Variants in MLPH observed in about 807,000 individuals in gnomAD.
MLPH encodes exophilin-3.
Under a neutral mutation model 72.1 loss-of-function variants are expected in MLPH, and 51 were observed. The observed-to-expected ratio is 0.71, with a 90% CI of 0.56 to 0.89. MLPH has a LOEUF of 0.89. MLPH is among the 40% of genes least tolerant of loss of function. MLPH has a pLI of 0.00. For synonymous variants in MLPH, 301 were observed against 310.1 expected, an observed-to-expected ratio of 0.97 and a Z score of 0.31; for missense variants, 743 against 759.9, an observed-to-expected ratio of 0.98 and a Z score of 0.26.
chr2:237,532,457 G>A (rs564369043), intron 8 of MLPH, among the ~76,000 whole-genome samples: 3 of 152,212 alleles, frequency 2.0e-5, no homozygotes, highest in Non-Finnish European at 2.9e-5. Flanking sequence ...GCCCTGGCAC[G>A]CACCCTCCGC....
intron 12 of MLPH, among the ~76,000 whole-genome samples, chr2:237,545,947 G>C (rs2080909673): frequency 6.6e-6 from 1 of 152,170 alleles, no homozygotes. Context: ...CCAAAGTTAA[G>C]GACACACCCA....
At position 237,522,157 on chromosome 2, in the gene MLPH, A is replaced by G. The variant is rs201269264; in HGVS notation, c.675+2128A>G. 7.0e-3 allele frequency among the ~76,000 whole-genome samples: 443 copies of G among 63,204 alleles called. 9 individuals are homozygous for G. In the East Asian group the frequency reaches 0.081, roughly 12 times the overall value. The allele number at this position is 63,204 out of a possible 152,430, so 41.5% of individuals were successfully genotyped here. A position where few individuals can be genotyped will look rare whatever the true frequency, so the allele number is the denominator to read the frequency against. ...GGTTGGGCCTTCAAACACCTGCTAC[A>G]ACTATAGTGCTGGAGCGGAGCAGGG... On this transcript the variant is annotated intron_variant, in intron 6 of 15. Coordinates refer to ENST00000264605, the MANE Select transcript of MLPH (RefSeq NM_024101.7).
chr2:237,553,776 C>T lies in MLPH; in HGVS notation c.*184C>T. 1 of 846,986 alleles carries T rather than the reference C, an allele frequency of 1.2e-6. No homozygotes were observed. The highest frequency in any genetic ancestry group is 1.4e-5 in the South Asian group (1 of 73,762). 52.5% of individuals were successfully genotyped at this position (846,986 alleles called of 1,614,324 possible). A position where few individuals can be genotyped will look rare whatever the true frequency, so the allele number is the denominator to read the frequency against. On this transcript the variant is annotated 3_prime_UTR_variant, in exon 16 of 16. Transcript: ENST00000264605. ...CAGCGACATTCAGTCCTGCACTGCTCACCTGGGTTTACTGATGACTCCTGG... is the reference window on the plus strand; with the variant it reads ...CAGCGACATTCAGTCCTGCACTGCTTACCTGGGTTTACTGATGACTCCTGG...
intron 11 of MLPH, among the ~76,000 whole-genome samples, chr2:237,542,061 C>T (rs548431529): frequency 6.6e-5 from 10 of 152,224 alleles, no homozygotes; most frequent in East Asian, 3.9e-4. Context: ...GGAGGGTGGA[C>T]GGCAAAGGCC....
rs2292880 is a variant in MLPH, at chr2:237,511,071, C to T, written c.415C>T (p.Arg139Trp). Residue 139 changes from arginine (R) to tryptophan (W), a missense_variant, in exon 4 of 16, where the codon CGG becomes TGG. By Grantham distance (101) the Arg-to-Trp change is moderately radical. Transcript: ENST00000264605. ...GAGGTTCGGAAGTGCCAAGGTCATC[C>T]GGTCCCTCCACGGGCGGCTGCAGGG... ...FKRFGSAKVI[R>W]SLHGRLQGGA... is the part of the protein sequence containing the mutation. 7,893 of 1,613,884 alleles carry T rather than the reference C, an allele frequency of 4.9e-3. 164 individuals carry two copies. The highest frequency in any genetic ancestry group is 0.038 in the South Asian group (3,445 of 91,068).
In MLPH at chr2:237,523,177, G is replaced by A. The variant is rs185481615; in HGVS notation, c.676-2424G>A. Reference sequence around the variant, plus strand: ...AGCTTAGTGAGGGTTTGAGAGTCTGGATTGTCAGTGTGAGATAATGGCTTC... The same window carrying A: ...AGCTTAGTGAGGGTTTGAGAGTCTGAATTGTCAGTGTGAGATAATGGCTTC... On this transcript the variant is annotated intron_variant, in intron 6 of 15. Transcript: ENST00000264605. Among the ~76,000 whole-genome samples the A allele has an allele frequency of 2.6e-3, 402 of 152,268 alleles. 5 individuals are homozygous for A. The highest frequency in any genetic ancestry group is 4.0e-3 in the Non-Finnish European group (269 of 68,026).
intron 4 of MLPH, among the ~76,000 whole-genome samples, chr2:237,515,710 C>T (rs559089055): frequency 6.6e-6 from 1 of 152,248 alleles, no homozygotes; most frequent in Admixed American, 6.5e-5. Flanking sequence ...TTAATAGAAA[C>T]AGGCAGCTCC....
At chr2:237,519,225 T>A (rs1318746924) in intron 5 of MLPH, among the ~76,000 whole-genome samples, 2 of 152,064 alleles carry the variant, frequency 1.3e-5, no homozygotes, top group African/African-American at 4.8e-5. Flanking sequence ...AAGAAGGGGC[T>A]GGGTAGGTGA....
At chr2:237,547,061 T>A (rs1393545051) in intron 13 of MLPH, among the ~76,000 whole-genome samples, 1 of 152,168 alleles carries the variant, frequency 6.6e-6, no homozygotes, top group Non-Finnish European at 1.5e-5. Context: ...TAATTCCGCG[T>A]AGGAGCAAGG....
chr2:237,544,432 A>G lies in MLPH; in HGVS notation c.1539+1773A>G, dbSNP rs182808602. 1.2e-3 allele frequency among the ~76,000 whole-genome samples: 56 copies of G among 46,138 alleles called. 2 individuals are homozygous for G. The East Asian group carries it at 0.018, about 15-fold the overall frequency. 30.3% of individuals were successfully genotyped at this position (46,138 alleles called of 152,430 possible). A position where few individuals can be genotyped will look rare whatever the true frequency, so the allele number is the denominator to read the frequency against. On this transcript the variant is annotated intron_variant, in intron 12 of 15. Coordinates refer to ENST00000264605, the MANE Select transcript of MLPH (RefSeq NM_024101.7). ...AGTGGTGAGTCGGGGGACAGTGGTG[A>G]ATGGGCACGGTAGTGAGTGGGGGGA...
chr2:237,528,357 T>A (rs187457035), intron 8 of MLPH, among the ~76,000 whole-genome samples: 1,975 of 145,746 alleles, frequency 0.014, 41 homozygotes, highest in African/African-American at 0.052. Flanking sequence ...TATTTTTTTT[T>A]AATTTTTTTT....
At chr2:237,509,222 A>G (rs1448898208) in intron 2 of MLPH, among the ~76,000 whole-genome samples, 1 of 152,142 alleles carries the variant, frequency 6.6e-6, no homozygotes, top group Non-Finnish European at 1.5e-5. Flanking sequence ...CCTTTCCCCT[A>G]ATTTCAGCCT....
chr2:237,498,891 C>A (rs1168516715), intron 2 of MLPH, among the ~76,000 whole-genome samples: 1 of 152,204 alleles, frequency 6.6e-6, no homozygotes, highest in African/African-American at 2.4e-5. Context: ...TTTGACTTAA[C>A]ACCCATGTCC....
Position 237,505,828 on chromosome 2 carries a change from C to CAGTCA in MLPH, c.111-4745_111-4741dup, listed in dbSNP as rs1222434001. Reference sequence around the variant, plus strand: ...CCCCCTTGGCTCTGTTCTGCCCCACCAGTCACAGCTCTGGCATGCGTGTCC... The same window carrying CAGTCA: ...CCCCCTTGGCTCTGTTCTGCCCCACCAGTCAAGTCACAGCTCTGGCATGCGTGTCC... On this transcript the variant is annotated intron_variant, in intron 2 of 15. Coordinates refer to ENST00000264605, the MANE Select transcript of MLPH (RefSeq NM_024101.7). The surrounding 1 kb of genome is among the most constrained non-coding windows in gnomAD (Gnocchi z 4.5). 3.3e-5 allele frequency among the ~76,000 whole-genome samples: 5 copies of CAGTCA among 152,202 alleles called. No individual in the cohort carries two copies. The highest frequency in any genetic ancestry group is 1.2e-4 in the African/African-American group (5 of 41,448).
Position 237,523,295 on chromosome 2 carries a change from T to TA in MLPH, c.676-2306_676-2305insA, listed in dbSNP as rs565101150. ...TTTATGTAATTTGGGTATGAACCTT[T>TA]TTTGCAGGGGTTGGCTAAGGTAACA... is the stretch of plus-strand genomic sequence containing the variant. On this transcript the variant is annotated intron_variant, in intron 6 of 15. Coordinates refer to ENST00000264605, the MANE Select transcript of MLPH (RefSeq NM_024101.7). 1.0e-3 allele frequency among the ~76,000 whole-genome samples: 153 copies of TA among 152,318 alleles called. 1 individual carries two copies. The highest frequency in any genetic ancestry group is 9.5e-3 in the South Asian group (46 of 4,826).
intron 6 of MLPH, among the ~76,000 whole-genome samples, chr2:237,523,835 C>A (rs550435059): frequency 6.6e-6 from 1 of 152,162 alleles, no homozygotes; most frequent in Non-Finnish European, 1.5e-5. Context: ...TTACTGATAG[C>A]GGGTAAAGCA....
At chr2:237,498,440 G>A (rs1414809294) in intron 2 of MLPH, among the ~76,000 whole-genome samples, 1 of 152,156 alleles carries the variant, frequency 6.6e-6, no homozygotes, top group Middle Eastern at 3.2e-3. Context: ...GTCAAAGCAG[G>A]GACAAACAAG....
intron 2 of MLPH, among the ~76,000 whole-genome samples, chr2:237,509,431 G>A (rs1394365173): frequency 6.6e-6 from 1 of 152,206 alleles, no homozygotes; most frequent in African/African-American, 2.4e-5. Context: ...CCTGTCCAGC[G>A]AAGGGGTGGC....
chr2:237,534,523 C>T (rs772576861), intron 8 of MLPH, 41 bp from the exon 9 acceptor site: 1 of 1,539,530 alleles, frequency 6.5e-7, no homozygotes, highest in African/African-American at 1.4e-5. Flanking sequence ...GGTTGGAGTG[C>T]ACTGGGTCCT....
Sources: gnomAD v4.1 joint callset for allele counts (sites outside exome capture counted in the v4.1 genomes callset) on GRCh38, gnomAD v4.1.1 for gene constraint, Gnocchi (gnomAD v3.1) non-coding constraint, MANE v1.5 for transcripts, NCBI Gene and HGNC (gene_info 2026-07-23, HGNC 2026-07-21) for gene names.